The following FGF14 variants were observed in gnomAD, a reference collection of about 807,000 sequenced individuals.
FGF14 encodes fibroblast growth factor 14, also known as fibroblast growth factor homologous factor 4.
In FGF14, 5 loss-of-function variants were observed where a neutral mutation model predicts 25.5. That is an observed-to-expected ratio of 0.20 (90% CI 0.10 to 0.41). FGF14 has a LOEUF of 0.41. Ranked by LOEUF, FGF14 falls within the 10% of genes least tolerant of loss-of-function variation. The pLI, the probability that FGF14 is intolerant of heterozygous loss-of-function variation, is 1.00. For synonymous variants in FGF14, 138 were observed against 118.3 expected (o/e 1.17, Z -1.08); for missense variants, 222 against 320.1 (o/e 0.69, Z 2.34).
intron 3 of FGF14, among the ~76,000 whole-genome samples, chr13:101,818,046 G>A (rs1305854961): frequency 2.0e-5 from 3 of 152,138 alleles, no homozygotes; most frequent in East Asian, 1.9e-4. Context: ...ATCTGAAACT[G>A]TATGCAAGAC....
At chr13:102,306,544 C>T (rs997960522) in intron 1 of FGF14, among the ~76,000 whole-genome samples, 3 of 152,080 alleles carry the variant, frequency 2.0e-5, no homozygotes, top group African/African-American at 7.2e-5. Context: ...GGCAGAAGCT[C>T]ATCAATGGAC....
chr13:102,007,214 A>G (rs559625794), intron 1 of FGF14, among the ~76,000 whole-genome samples: 57 of 152,344 alleles, frequency 3.7e-4, no homozygotes, highest in African/African-American at 1.3e-3. Context: ...AAACAAAAGG[A>G]AAGGAAGTAG....
intron 1 of FGF14, among the ~76,000 whole-genome samples, chr13:102,162,063 T>G (rs895223965): frequency 3.9e-5 from 6 of 152,162 alleles, no homozygotes; most frequent in Non-Finnish European, 5.9e-5. Context: ...TTTTGTCAGT[T>G]AACAAGCTTT....
chr13:101,831,034 G>A (rs1038778445), intron 3 of FGF14, among the ~76,000 whole-genome samples: 2 of 151,930 alleles, frequency 1.3e-5, no homozygotes, highest in Non-Finnish European at 2.9e-5. Flanking sequence ...TCTCAAGGTC[G>A]TTAATTTAAT....
intron 3 of FGF14, chr13:101,778,887 GA>G (rs1391086132): frequency 2.0e-5 from 3 of 151,858 alleles, no homozygotes; most frequent in African/African-American, 4.8e-5. Flanking sequence ...TGACATCAAG[GA>G]GAGAGCATAA....
At chr13:101,928,264 A>C (rs1348705655) in intron 1 of FGF14, among the ~76,000 whole-genome samples, 1 of 152,234 alleles carries the variant, frequency 6.6e-6, no homozygotes, top group Non-Finnish European at 1.5e-5. Flanking sequence ...ATTGATAATA[A>C]TGAGTCTGAA....
intron 1 of FGF14, among the ~76,000 whole-genome samples, chr13:102,143,656 T>C (rs899238326): frequency 1.3e-5 from 2 of 152,342 alleles, no homozygotes; most frequent in African/African-American, 4.8e-5. Context: ...GAGAATCAGT[T>C]ATTCAAGCTT....
chr13:102,142,205 T>C (rs549136342), intron 1 of FGF14, among the ~76,000 whole-genome samples: 1 of 152,310 alleles, frequency 6.6e-6, no homozygotes, highest in African/African-American at 2.4e-5. Context: ...TTCTCCTAAA[T>C]CATCAAGCAC....
At chr13:102,174,200 T>C (rs1421508103) in intron 1 of FGF14, among the ~76,000 whole-genome samples, 4 of 151,220 alleles carry the variant, frequency 2.6e-5, no homozygotes, top group African/African-American at 9.7e-5. Flanking sequence ...AGTGGCGCGA[T>C]CTCGGCTCAC....
At chr13:101,925,231 G>T (rs1594746312) in intron 1 of FGF14, among the ~76,000 whole-genome samples, 1 of 152,150 alleles carries the variant, frequency 6.6e-6, no homozygotes, top group Non-Finnish European at 1.5e-5. Flanking sequence ...CAGTTTTTTA[G>T]AACGTTATTT....
At chr13:102,393,434 C>A (rs980994568) in intron 1 of FGF14, among the ~76,000 whole-genome samples, 4 of 152,118 alleles carry the variant, frequency 2.6e-5, no homozygotes, top group African/African-American at 4.8e-5. Context: ...AGAAATAATT[C>A]ATAAATTTCA....
upstream of FGF14, among the ~76,000 whole-genome samples, chr13:101,921,643 A>G (rs758836423): frequency 2.0e-5 from 3 of 152,180 alleles, no homozygotes; most frequent in African/African-American, 4.8e-5. Context: ...GAAATCCCAT[A>G]CTTCAAAACC....
At chr13:101,756,590 G>A (rs1417712799) in intron 3 of FGF14, among the ~76,000 whole-genome samples, 4 of 151,926 alleles carry the variant, frequency 2.6e-5, no homozygotes, top group Non-Finnish European at 4.4e-5. Context: ...AAAATTAGCC[G>A]GGTGCGGTGG....
At chr13:102,063,744 C>A (rs919587265) in intron 1 of FGF14, among the ~76,000 whole-genome samples, 1 of 151,872 alleles carries the variant, frequency 6.6e-6, no homozygotes, top group Non-Finnish European at 1.5e-5. Context: ...ACATATAAAA[C>A]ATGAATAAGA....
intron 3 of FGF14, among the ~76,000 whole-genome samples, chr13:101,736,051 T>C (rs773895002): frequency 1.6e-4 from 24 of 152,180 alleles, no homozygotes; most frequent in Non-Finnish European, 3.1e-4. Context: ...TGACAAATAC[T>C]CAGGCATCAA....
At chr13:101,894,220 T>C (rs1260674783) in intron 1 of FGF14, among the ~76,000 whole-genome samples, 1 of 152,092 alleles carries the variant, frequency 6.6e-6, no homozygotes, top group African/African-American at 2.4e-5. Flanking sequence ...TAAAATAACT[T>C]ACAAATATAC....
intron 1 of FGF14, among the ~76,000 whole-genome samples, chr13:102,235,898 C>T (rs918771238): frequency 6.6e-6 from 1 of 152,084 alleles, no homozygotes; most frequent in African/African-American, 2.4e-5. Context: ...CCCAATAGAC[C>T]CAGGACTTGT....
intron 1 of FGF14, among the ~76,000 whole-genome samples, chr13:102,181,293 G>A (rs571233216): frequency 6.6e-6 from 1 of 152,272 alleles, no homozygotes; most frequent in South Asian, 2.1e-4. Flanking sequence ...TATGTTACCT[G>A]ACATGGTAAA....
chr13:102,024,954 T>TATAC (rs1468761742), intron 1 of FGF14, among the ~76,000 whole-genome samples: 9 of 151,188 alleles, frequency 6.0e-5, no homozygotes, highest in African/African-American at 2.2e-4. Flanking sequence ...TATATATATA[T>TATAC]ACATATGTAA....
Sources: gnomAD v4.1 joint callset for allele counts (sites outside exome capture counted in the v4.1 genomes callset) on GRCh38, gnomAD v4.1.1 for gene constraint, MANE v1.5 for transcripts, NCBI Gene and HGNC (gene_info 2026-07-23, HGNC 2026-07-21) for gene names.